The following FEZ2 variants were observed in gnomAD, a reference collection of about 807,000 sequenced individuals.
FEZ2 encodes the protein fasciculation and elongation protein zeta 2.
Under a neutral mutation model 40.4 loss-of-function variants are expected in FEZ2, and 51 were observed. The observed-to-expected ratio is 1.26, with a 90% CI of 1.01 to 1.59. The LOEUF (loss-of-function observed/expected upper bound fraction) is 1.59. FEZ2 is among the 40% of genes most tolerant of loss of function. The pLI, the probability that FEZ2 is intolerant of heterozygous loss-of-function variation, is 0.00. For synonymous variants in FEZ2, 242 were observed against 172.0 expected, an observed-to-expected ratio of 1.41 and a Z score of -3.18; for missense variants, 640 against 438.3, an observed-to-expected ratio of 1.46 and a Z score of -4.11.
intron 4 of FEZ2, among the ~76,000 whole-genome samples, chr2:36,580,129 T>C (rs1668689463): frequency 6.6e-6 from 1 of 152,234 alleles, no homozygotes; most frequent in South Asian, 2.1e-4. Context: ...ATTCCTGTTG[T>C]TTAAGCCACC....
chr2:36,555,856 C>A (rs1433889768), intron 6 of FEZ2, 108 bp from the exon 7 acceptor site: 51 of 687,120 alleles, frequency 7.4e-5, no homozygotes, highest in Non-Finnish European at 1.2e-4. Context: ...TAGGATATAA[C>A]TGACTCATAC....
chr2:36,597,994 G>C lies in FEZ2; in HGVS notation c.149C>G (p.Pro50Arg). Residue 50 changes from proline to arginine, a missense_variant, in exon 1 of 8, where the codon CCG (proline) becomes CGG (arginine). Transcript: ENST00000405912. ...AGGGADGFPAPACSLEEKLSL... is the reference protein window; with the variant it reads ...AGGGADGFPARACSLEEKLSL... ...CAGCTTCTCCTCCAAGCTGCAGGCC[G>C]GGGCCGGGAAACCGTCGGCGCCCCC... 1 of 1,493,112 alleles carries C rather than the reference G, an allele frequency of 6.7e-7. No individual in the cohort carries two copies. Among genetic ancestry groups the C allele is most frequent in the Non-Finnish European group, 8.9e-7 (1 of 1,127,332 alleles). 92.5% of individuals were successfully genotyped at this position (1,493,112 alleles called of 1,614,324 possible).
At chr2:36,595,442 T>A (rs1669188069) in intron 1 of FEZ2, among the ~76,000 whole-genome samples, 3 of 151,908 alleles carry the variant, frequency 2.0e-5, no homozygotes, top group Admixed American at 2.0e-4. Flanking sequence ...CACAATAGGG[T>A]TCACGCTCCT....
intron 5 of FEZ2, among the ~76,000 whole-genome samples, chr2:36,562,389 G>T (rs563649578): frequency 1.3e-5 from 2 of 152,276 alleles, no homozygotes; most frequent in East Asian, 3.9e-4. Flanking sequence ...GAATCACTGA[G>T]GGAGCTATGT....
At chr2:36,554,017 T>C (rs914058982) in intron 7 of FEZ2, among the ~76,000 whole-genome samples, 5 of 152,150 alleles carry the variant, frequency 3.3e-5, no homozygotes, top group African/African-American at 1.2e-4. Flanking sequence ...TGCACTCCCG[T>C]CTTCATTTTC....
At chr2:36,572,958 A>G (rs1370144458) in intron 5 of FEZ2, among the ~76,000 whole-genome samples, 4 of 152,156 alleles carry the variant, frequency 2.6e-5, no homozygotes, top group African/African-American at 7.2e-5. Flanking sequence ...CCGAAAAGCA[A>G]TAAATTAGGG....
chr2:36,585,282 TAC>T (rs1382197750), intron 2 of FEZ2, among the ~76,000 whole-genome samples: 1 of 152,112 alleles, frequency 6.6e-6, no homozygotes, highest in Non-Finnish European at 1.5e-5. Flanking sequence ...TTTTCAGACA[TAC>T]AAGTTCTGAA....
chr2:36,555,984 T>C (rs10194100), intron 6 of FEZ2: 212,505 of 636,580 alleles, frequency 0.33, 36,763 homozygotes, highest in Middle Eastern at 0.45. Flanking sequence ...TACCTGAGAG[T>C]TGCTTCCCTG....
intron 5 of FEZ2, among the ~76,000 whole-genome samples, chr2:36,564,167 T>C (rs1668168743): frequency 6.6e-6 from 1 of 152,194 alleles, no homozygotes; most frequent in African/African-American, 2.4e-5. Flanking sequence ...CTATCTTTAC[T>C]GTAATTTCCC....
chr2:36,578,200 T>A (rs1427899998), intron 5 of FEZ2, among the ~76,000 whole-genome samples: 1 of 152,204 alleles, frequency 6.6e-6, no homozygotes, highest in Non-Finnish European at 1.5e-5. Context: ...TCTAATTTCT[T>A]ATCACACAAC....
intron 5 of FEZ2, among the ~76,000 whole-genome samples, chr2:36,571,883 A>C (rs2125229063): frequency 6.7e-6 from 1 of 149,064 alleles, no homozygotes; most frequent in African/African-American, 2.5e-5. Context: ...GGCGGGGTGG[A>C]CCACACTTGT....
At chr2:36,574,627 T>C (rs560454850) in intron 5 of FEZ2, among the ~76,000 whole-genome samples, 1 of 151,646 alleles carries the variant, frequency 6.6e-6, no homozygotes, top group Non-Finnish European at 1.5e-5. Context: ...TGCTTGGCCA[T>C]GATTTTAAAG....
chr2:36,589,663 T>C (rs1669008062), intron 2 of FEZ2: 1 of 152,242 alleles, frequency 6.6e-6, no homozygotes, highest in South Asian at 2.1e-4. Flanking sequence ...GCCAGGTCAG[T>C]CTGCAAAGCT....
chr2:36,571,466 T>A (rs1464164483), intron 5 of FEZ2, among the ~76,000 whole-genome samples: 1 of 148,840 alleles, frequency 6.7e-6, no homozygotes, highest in South Asian at 2.2e-4. Flanking sequence ...TTCAAGACCA[T>A]CCTGGCCAAC....
In FEZ2 at chr2:36,552,644, G is replaced by T; in HGVS notation, c.*519C>A. The T allele has an allele frequency of 4.9e-6, 1 of 204,410 alleles. No homozygotes were observed. Among genetic ancestry groups the T allele is most frequent in the South Asian group, 8.0e-5 (1 of 12,476 alleles). The allele number at this position is 204,410 out of a possible 1,614,324, so 12.7% of individuals were successfully genotyped here. The stretch of plus-strand genomic sequence containing the variant: ...TGTTAGCACTAAGTATTAAACCAAA[G>T]TAATGCATATTCTGGTTTTGCTTCT... On this transcript the variant is annotated 3_prime_UTR_variant, in exon 8 of 8. Transcript: ENST00000405912.
Position 36,560,923 on chromosome 2 carries a change from A to G in FEZ2, c.904-2410T>C, listed in dbSNP as rs1355753349. The G allele has an allele frequency of 1.8e-5, 19 of 1,060,008 alleles. 1 individual carries two copies. In the South Asian group the frequency reaches 2.2e-4, roughly 12 times the overall value. 65.7% of individuals were successfully genotyped at this position (1,060,008 alleles called of 1,614,324 possible). A position where few individuals can be genotyped will look rare whatever the true frequency, so the allele number is the denominator to read the frequency against. ...GGACAGAGAAAGAAGTTCAAAGTCT[A>G]TTAGTAAGAATGTACCATGATGACT... On this transcript the variant is annotated intron_variant, in intron 5 of 7. Transcript: ENST00000405912.
intron 5 of FEZ2, among the ~76,000 whole-genome samples, chr2:36,565,252 G>A (rs1668204246): frequency 6.6e-6 from 1 of 152,110 alleles, no homozygotes; most frequent in African/African-American, 2.4e-5. Context: ...CTTATCTCCA[G>A]TTGCCTCCTT....
chr2:36,567,806 A>C (rs1216394472), intron 5 of FEZ2, among the ~76,000 whole-genome samples: 2 of 152,024 alleles, frequency 1.3e-5, no homozygotes, highest in Non-Finnish European at 2.9e-5. Flanking sequence ...AGGATAATCA[A>C]AGAGTAGCAA....
At chr2:36,595,228 C>T (rs936842395) in intron 1 of FEZ2, among the ~76,000 whole-genome samples, 4 of 152,024 alleles carry the variant, frequency 2.6e-5, no homozygotes, top group South Asian at 2.1e-4. Flanking sequence ...ATTACATTTA[C>T]GGTGTACTTT....
Sources: gnomAD v4.1 joint callset for allele counts (sites outside exome capture counted in the v4.1 genomes callset) on GRCh38, gnomAD v4.1.1 for gene constraint, MANE v1.5 for transcripts, NCBI Gene and HGNC (gene_info 2026-07-23, HGNC 2026-07-21) for gene names.